The following STON2 variants were observed in gnomAD, a reference collection of about 807,000 sequenced individuals.
The protein encoded by STON2 is stonin-2.
STON2 carries 29 observed loss-of-function variants against 65.7 expected under a neutral mutation model. The ratio of observed to expected loss-of-function variants is 0.44; its 90% CI spans 0.33 to 0.60. The LOEUF (loss-of-function observed/expected upper bound fraction) is 0.60, where lower values mean the gene tolerates loss of function less well. Among genes scored for constraint, STON2 ranks in the 20% least tolerant of loss-of-function variants. The probability of loss-of-function intolerance (pLI) is 0.03; values close to 1 mark genes in which losing one functional copy is unlikely to be tolerated. For synonymous variants in STON2, 404 were observed against 414.2 expected (o/e 0.98, Z 0.30); for missense variants, 1,054 against 1,118.1 (o/e 0.94, Z 0.82).
rs1475229587 is a variant in STON2, at chr14:81,270,855, A to G, written c.2599T>C (p.Cys867Arg). The stretch of plus-strand genomic sequence containing the variant: ...CCGAGTTCAAGGTGGCAAAAGAAAC[A>G]GTGTGGGTGACCGGAAGCTATGAAA... ...DKNSASGHPH[C>R]FFCHLELGSD... The change falls in exon 7 of 8, where the codon TGT (cysteine) becomes CGT (arginine). Residue 867 changes from cysteine to arginine, a missense_variant. Transcript: ENST00000614646. 6.2e-7 allele frequency: 1 copy of G among 1,612,954 alleles called. No homozygotes were observed. The highest frequency in any genetic ancestry group is 1.3e-5 in the African/African-American group (1 of 74,902).
chr14:81,305,665 A>G (rs1896144731), intron 5 of STON2, among the ~76,000 whole-genome samples: 1 of 151,744 alleles, frequency 6.6e-6, no homozygotes. Flanking sequence ...CTTGCCTTTA[A>G]CTTTCTTAAT....
chr14:81,425,340 A>G (rs780115258), intron 2 of STON2, among the ~76,000 whole-genome samples: 3 of 152,150 alleles, frequency 2.0e-5, no homozygotes, highest in Non-Finnish European at 2.9e-5. Context: ...GAGGCTGAGG[A>G]GGAGGGAGGA....
chr14:81,327,432 GAATTTAT>G (rs1215936548), intron 4 of STON2, among the ~76,000 whole-genome samples: 1 of 151,830 alleles, frequency 6.6e-6, no homozygotes, highest in Non-Finnish European at 1.5e-5. Flanking sequence ...TCTCCCTTTG[GAATTTAT>G]AGTTAGATTT....
At chr14:81,404,707 C>G (rs957114962), upstream of STON2, among the ~76,000 whole-genome samples, 1 of 152,144 alleles carries the variant, frequency 6.6e-6, no homozygotes, top group South Asian at 2.1e-4. Flanking sequence ...GGGTCTCACT[C>G]TGTTGCCCAG....
At chr14:81,344,861 T>C (rs1180072824) in intron 4 of STON2, among the ~76,000 whole-genome samples, 1 of 152,226 alleles carries the variant, frequency 6.6e-6, no homozygotes, top group Admixed American at 6.5e-5. Flanking sequence ...TTCTTTGCAG[T>C]TTTTCTTTTA....
At chr14:81,270,114 G>A (rs1894512769) in intron 7 of STON2, 1 of 870,712 alleles carries the variant, frequency 1.1e-6, no homozygotes, top group South Asian at 5.3e-5. Flanking sequence ...TTGAGACACA[G>A]TCTCGCTCTG....
At chr14:81,373,699 G>A (rs753799212) in intron 3 of STON2, among the ~76,000 whole-genome samples, 5 of 152,208 alleles carry the variant, frequency 3.3e-5, no homozygotes, top group East Asian at 1.9e-4. Flanking sequence ...AGGGCCAACC[G>A]AAGATGGGGA....
chr14:81,266,362 C>T lies in STON2; in HGVS notation c.*2052G>A, dbSNP rs1894358625. 6.6e-6 allele frequency among the ~76,000 whole-genome samples: 1 copy of T among 152,118 alleles called. No individual in the cohort carries two copies. Among genetic ancestry groups the T allele is most frequent in the African/African-American group, 2.4e-5 (1 of 41,424 alleles). On this transcript the variant is annotated 3_prime_UTR_variant, in exon 8 of 8. Transcript: ENST00000614646. ...AGTTCCTCTTTGTTCTTATTTTTGC[C>T]CTTTGAAGCTACACAGAATAAATCT...
intron 4 of STON2, among the ~76,000 whole-genome samples, chr14:81,331,635 A>G (rs1310930124): frequency 6.6e-6 from 1 of 152,218 alleles, no homozygotes; most frequent in Non-Finnish European, 1.5e-5. Flanking sequence ...TCACTTCATA[A>G]AGAAGGCCTC....
chr14:81,387,265 C>T (rs1194740376), intron 3 of STON2, among the ~76,000 whole-genome samples: 2 of 151,674 alleles, frequency 1.3e-5, no homozygotes, highest in Non-Finnish European at 2.9e-5. Flanking sequence ...AATTTGTTGA[C>T]ATTTTTCACC....
chr14:81,396,166 T>C lies in STON2; in HGVS notation c.101A>G (p.Glu34Gly). ...FPAHSQGGTE[E>G]HLPGLSSSPD... ...GGAAGATGACAGTCCTGGGAGGTGC[T>C]CTTCCGTGCCCCCTGAAACAGATAC... The change falls in exon 3 of 8, where the codon GAG (glutamate) becomes GGG (glycine). Residue 34 changes from glutamate (E) to glycine (G), a missense_variant. Physicochemically the swap from Glu to Gly is moderately conservative, Grantham distance 98. Coordinates refer to ENST00000614646, the MANE Select transcript of STON2 (RefSeq NM_001394390.1). 1.2e-6 allele frequency: 2 copies of C among 1,609,988 alleles called. No homozygotes were observed. The highest frequency in any genetic ancestry group is 1.7e-6 in the Non-Finnish European group (2 of 1,177,978).
rs2140100516 is a variant in STON2, at chr14:81,270,831, C to T, written c.2623G>A (p.Gly875Ser). Residue 875 changes from glycine to serine, a missense_variant, in exon 7 of 8, where the codon GGC becomes AGC. By Grantham distance (56) the Gly-to-Ser change is moderately conservative. Coordinates refer to ENST00000614646, the MANE Select transcript of STON2 (RefSeq NM_001394390.1). ...CTGGAAGGCACTTCCCGGTCAGAGCCGAGTTCAAGGTGGCAAAAGAAACAG... is the reference window on the plus strand; with the variant it reads ...CTGGAAGGCACTTCCCGGTCAGAGCTGAGTTCAAGGTGGCAAAAGAAACAG... ...PHCFFCHLEL[G>S]SDREVPSRFA... 3 of 1,613,668 alleles carry T rather than the reference C, an allele frequency of 1.9e-6. No individual in the cohort carries two copies. The highest frequency in any genetic ancestry group is 2.5e-6 in the Non-Finnish European group (3 of 1,180,014).
At chr14:81,306,323 G>A (rs28501387) in intron 5 of STON2, among the ~76,000 whole-genome samples, 115,095 of 145,838 alleles carry the variant, frequency 0.79, 45,581 homozygotes, top group African/African-American at 0.8. Context: ...TTCACCTCCC[G>A]GGTTCAAGTG....
At chr14:81,343,265 G>A (rs1897685228) in intron 4 of STON2, among the ~76,000 whole-genome samples, 1 of 152,122 alleles carries the variant, frequency 6.6e-6, no homozygotes, top group African/African-American at 2.4e-5. Flanking sequence ...TGTGGGAAAA[G>A]GACAATAATT....
upstream of STON2, among the ~76,000 whole-genome samples, chr14:81,400,739 T>C (rs75818727): frequency 0.027 from 4,110 of 152,214 alleles, 196 homozygotes; most frequent in African/African-American, 0.093. Flanking sequence ...GGCACACGAA[T>C]AGAGATTGTG....
Position 81,267,290 on chromosome 14 carries a change from A to C in STON2, c.*1124T>G. On this transcript the variant is annotated 3_prime_UTR_variant, in exon 8 of 8. Coordinates refer to ENST00000614646, the MANE Select transcript of STON2 (RefSeq NM_001394390.1). ...ATATAATGTTCCCAACATTAGAAAA[A>C]TATGGCTTTTCCACGTCTCTACCCT... 2 of 985,428 alleles carry C rather than the reference A, an allele frequency of 2.0e-6. No homozygotes were observed. Among genetic ancestry groups the C allele is most frequent in the Non-Finnish European group, 2.4e-6 (2 of 829,932 alleles). 61.0% of individuals were successfully genotyped at this position (985,428 alleles called of 1,614,324 possible). A position where few individuals can be genotyped will look rare whatever the true frequency, so the allele number is the denominator to read the frequency against.
rs934440882 is a variant in STON2, at chr14:81,370,907, A to G, written c.571+81T>C. 5.2e-6 allele frequency: 7 copies of G among 1,338,116 alleles called. No homozygotes were observed. In the African/African-American group the frequency reaches 1.0e-4, roughly 20 times the overall value. The allele number at this position is 1,338,116 out of a possible 1,614,324, so 82.9% of individuals were successfully genotyped here. ...TTCTGCAAAGGAAGCCAGCTGCAGC[A>G]ATTTTTAAAAGGACTTTAAAGTGGA... On this transcript the variant is annotated intron_variant, in intron 4 of 7. Coordinates refer to ENST00000614646, the MANE Select transcript of STON2 (RefSeq NM_001394390.1).
At position 81,278,261 on chromosome 14, in the gene STON2, G is replaced by A. The variant is rs751538330; in HGVS notation, c.1221C>T (p.Thr407=). The change falls in exon 6 of 8, where the codon ACC becomes ACT. Residue 407 remains threonine (T), a synonymous_variant. Transcript: ENST00000614646. ...RRSQNSSISS[T]TGKSQRDSLI... ...GGGAATCTCTTTGGCTTTTGCCCGTGGTACTGGAAATGGAACTGTTTTGGG... is the reference window on the plus strand; with the variant it reads ...GGGAATCTCTTTGGCTTTTGCCCGTAGTACTGGAAATGGAACTGTTTTGGG... 49 of 1,614,094 alleles carry A rather than the reference G, an allele frequency of 3.0e-5. No homozygotes were observed. The highest frequency in any genetic ancestry group is 8.3e-5 in the Admixed American group (5 of 60,018).
At chr14:81,341,042 G>C (rs754743634) in intron 4 of STON2, among the ~76,000 whole-genome samples, 3 of 152,108 alleles carry the variant, frequency 2.0e-5, no homozygotes, top group Non-Finnish European at 4.4e-5. Context: ...TAAAAAGGAA[G>C]GACATTTTTC....
Sources: gnomAD v4.1 joint callset for allele counts (sites outside exome capture counted in the v4.1 genomes callset) on GRCh38, gnomAD v4.1.1 for gene constraint, MANE v1.5 for transcripts, NCBI Gene and HGNC (gene_info 2026-07-23, HGNC 2026-07-21) for gene names.